Variants in KCNQ1OT1 observed in about 807,000 individuals in gnomAD.
KCNQ1OT1 encodes the protein KCNQ1 antisense RNA 2 (non-protein coding).
At position 2,668,469 on chromosome 11, in the gene KCNQ1OT1, G is replaced by A. The variant is rs575954624; in HGVS notation, n.31526C>T. 47 of 398,504 alleles carry A rather than the reference G, an allele frequency of 1.2e-4. No individual in the cohort carries two copies. Among genetic ancestry groups the A allele is most frequent in the South Asian group, 3.8e-4 (3 of 7,840 alleles). 24.7% of individuals were successfully genotyped at this position (398,504 alleles called of 1,614,324 possible). On this transcript the variant is annotated non_coding_transcript_exon_variant, in exon 1 of 1. Coordinates refer to ENST00000597346, the Ensembl canonical transcript of KCNQ1OT1. This position sits in a 1 kb window ranked among gnomAD's most constrained non-coding sequence, Gnocchi z 4.3. ...ATCCTAACACTTGGCATTTTCCGTCGTTTCCTTTTCAGCCATGATGGTGAA... is the reference window on the plus strand; with the variant it reads ...ATCCTAACACTTGGCATTTTCCGTCATTTCCTTTTCAGCCATGATGGTGAA...
chr11:2,627,438 C>T lies in KCNQ1OT1; in HGVS notation n.72557G>A. 2.5e-6 allele frequency: 1 copy of T among 398,460 alleles called. No individual in the cohort carries two copies. Among genetic ancestry groups the T allele is most frequent in the Non-Finnish European group, 4.4e-6 (1 of 226,028 alleles). 24.7% of individuals were successfully genotyped at this position (398,460 alleles called of 1,614,324 possible). On this transcript the variant is annotated non_coding_transcript_exon_variant, in exon 1 of 1. Coordinates refer to ENST00000597346, the Ensembl canonical transcript of KCNQ1OT1. This position sits in a 1 kb window ranked among gnomAD's most constrained non-coding sequence, Gnocchi z 4.9. The stretch of plus-strand genomic sequence containing the variant: ...CATCTGATAACTCTATGTTTGTACC[C>T]TTCAACATTTCCTATTTCCCCTACT...
chr11:2,675,383 A>G (rs2133873661), exon 1 of KCNQ1OT1: 1 of 398,658 alleles, frequency 2.5e-6, no homozygotes, highest in South Asian at 1.3e-4. Flanking sequence ...AAAACATTTA[A>G]ACACAGATAT....
Position 2,663,895 on chromosome 11 carries a change from G to A in KCNQ1OT1, n.36100C>T. 5.0e-6 allele frequency: 2 copies of A among 398,718 alleles called. No homozygotes were observed. Among genetic ancestry groups the A allele is most frequent in the Non-Finnish European group, 8.8e-6 (2 of 226,112 alleles). 24.7% of individuals were successfully genotyped at this position (398,718 alleles called of 1,614,324 possible). On this transcript the variant is annotated non_coding_transcript_exon_variant, in exon 1 of 1. Transcript: ENST00000597346. The surrounding 1 kb of genome is among the most constrained non-coding windows in gnomAD (Gnocchi z 5.2). ...TGCCCAAGGGTGACCCCAAGCCAGTGTGGCTGTGTCATCTAGGACACTGGG... is the reference window on the plus strand; with the variant it reads ...TGCCCAAGGGTGACCCCAAGCCAGTATGGCTGTGTCATCTAGGACACTGGG...
exon 1 of KCNQ1OT1, chr11:2,631,635 T>C (rs1849354645): frequency 2.5e-6 from 1 of 398,498 alleles, no homozygotes; most frequent in East Asian, 3.6e-5. Flanking sequence ...CTATGTTTCC[T>C]TGGTTTTTCT....
chr11:2,622,428 A>C (rs866468305), exon 1 of KCNQ1OT1: 4 of 398,184 alleles, frequency 1.0e-5, no homozygotes, highest in African/African-American at 6.2e-5. Flanking sequence ...CTTTCAATCT[A>C]CTTGTGTCTT....
In KCNQ1OT1 at chr11:2,656,927, A is replaced by C. The variant is rs532229513; in HGVS notation, n.43068T>G. On this transcript the variant is annotated non_coding_transcript_exon_variant, in exon 1 of 1. Transcript: ENST00000597346. The stretch of plus-strand genomic sequence containing the variant: ...TGTGAGGTAATTAAGGGTCCAACTT[A>C]ATGTTTTTCCAGTGTGGGTATCCAA... 5.5e-5 allele frequency: 22 copies of C among 398,606 alleles called. No individual in the cohort carries two copies. The Admixed American group carries it at 9.7e-4, about 18-fold the overall frequency. The allele number at this position is 398,606 out of a possible 1,614,324, so 24.7% of individuals were successfully genotyped here.
exon 1 of KCNQ1OT1, chr11:2,656,640 A>G (rs577250569): frequency 1.5e-4 from 58 of 398,186 alleles, no homozygotes; most frequent in African/African-American, 1.1e-3. Context: ...TATTTTTCCT[A>G]TTGATTTGTA....
rs949672827 is a variant in KCNQ1OT1 at position 2,676,216 on chromosome 11, T to TA, written n.23778dup. On this transcript the variant is annotated non_coding_transcript_exon_variant, in exon 1 of 1. Transcript: ENST00000597346. This position sits in a 1 kb window ranked among gnomAD's most constrained non-coding sequence, Gnocchi z 4.2. ...GCCATACTTCTTTTTGAGCTGTACA[T>TA]ACAATGCTGATTTATTATGGTGCAG... The TA allele has an allele frequency of 1.0e-5, 4 of 398,576 alleles. No homozygotes were observed. The highest frequency in any genetic ancestry group is 1.8e-5 in the Non-Finnish European group (4 of 226,082). The allele number at this position is 398,576 out of a possible 1,614,324, so 24.7% of individuals were successfully genotyped here.
At chr11:2,686,353 A>G in exon 1 of KCNQ1OT1, 1 of 398,720 alleles carries the variant, frequency 2.5e-6, no homozygotes, top group East Asian at 3.6e-5. Context: ...GGGGAGGAGT[A>G]TGCTCACTTG....
At chr11:2,614,844 C>T (rs975539798) in exon 1 of KCNQ1OT1, 1 of 398,174 alleles carries the variant, frequency 2.5e-6, no homozygotes, top group Non-Finnish European at 4.4e-6. Context: ...CAACTTTGTT[C>T]TTTTTCAATA....
Position 2,623,449 on chromosome 11 carries a change from G to A in KCNQ1OT1, n.76546C>T. On this transcript the variant is annotated non_coding_transcript_exon_variant, in exon 1 of 1. Transcript: ENST00000597346. This position sits in a 1 kb window ranked among gnomAD's most constrained non-coding sequence, Gnocchi z 5.2. ...AACCCTTCTTCCCCAACAACCCTTG[G>A]CAACCACTGAACTTTTTACTGCCTC... 2.5e-6 allele frequency: 1 copy of A among 398,494 alleles called. No homozygotes were observed. The highest frequency in any genetic ancestry group is 4.4e-6 in the Non-Finnish European group (1 of 226,052). The allele number at this position is 398,494 out of a possible 1,614,324, so 24.7% of individuals were successfully genotyped here.
exon 1 of KCNQ1OT1, chr11:2,629,645 G>C (rs1000857938): frequency 1.5e-5 from 6 of 398,354 alleles, no homozygotes; most frequent in Non-Finnish European, 2.7e-5. Context: ...GTTCATATAT[G>C]AAAGGATTTA....
chr11:2,643,467 A>T (rs1849610975), exon 1 of KCNQ1OT1: 1 of 398,274 alleles, frequency 2.5e-6, no homozygotes, highest in Non-Finnish European at 4.4e-6. Flanking sequence ...ATGAAAGTAT[A>T]GCTACTCCTG....
At position 2,661,695 on chromosome 11, in the gene KCNQ1OT1, C is replaced by G. The variant is rs753402738; in HGVS notation, n.38300G>C. The G allele has an allele frequency of 5.0e-6, 3 of 604,644 alleles. No homozygotes were observed. Among genetic ancestry groups the G allele is most frequent in the Non-Finnish European group, 8.9e-6 (3 of 338,912 alleles). 37.5% of individuals were successfully genotyped at this position (604,644 alleles called of 1,614,324 possible). A position where few individuals can be genotyped will look rare whatever the true frequency, so the allele number is the denominator to read the frequency against. Reference sequence around the variant, plus strand: ...CCTGAGGTGGGGAGAGTCTTGGACACCTGAGCACAGCCCCAGGCACAGTTA... The same window carrying G: ...CCTGAGGTGGGGAGAGTCTTGGACAGCTGAGCACAGCCCCAGGCACAGTTA... On this transcript the variant is annotated non_coding_transcript_exon_variant, in exon 1 of 1. Coordinates refer to ENST00000597346, the Ensembl canonical transcript of KCNQ1OT1. This position sits in a 1 kb window ranked among gnomAD's most constrained non-coding sequence, Gnocchi z 5.9.
Position 2,690,570 on chromosome 11 carries a change from G to A in KCNQ1OT1, n.9425C>T. The A allele has an allele frequency of 2.5e-6, 1 of 398,630 alleles. No homozygotes were observed. The highest frequency in any genetic ancestry group is 3.6e-5 in the East Asian group (1 of 28,076). 24.7% of individuals were successfully genotyped at this position (398,630 alleles called of 1,614,324 possible). On this transcript the variant is annotated non_coding_transcript_exon_variant, in exon 1 of 1. Transcript: ENST00000597346. This position sits in a 1 kb window ranked among gnomAD's most constrained non-coding sequence, Gnocchi z 5.1. ...GACAAGAAGTAACATGTCAAAGATG[G>A]GACAGAACCCACCTCCTGGCAGGGA...
chr11:2,675,261 T>C, exon 1 of KCNQ1OT1: 1 of 398,508 alleles, frequency 2.5e-6, no homozygotes, highest in Non-Finnish European at 4.4e-6. Flanking sequence ...GTTTCAGAAG[T>C]GAAGATAACT....
chr11:2,642,692 T>C lies in KCNQ1OT1; in HGVS notation n.57303A>G, dbSNP rs1313834321. 5.0e-6 allele frequency: 2 copies of C among 397,878 alleles called. No homozygotes were observed. The highest frequency in any genetic ancestry group is 2.1e-5 in the African/African-American group (1 of 48,628). The allele number at this position is 397,878 out of a possible 1,614,324, so 24.6% of individuals were successfully genotyped here. A position where few individuals can be genotyped will look rare whatever the true frequency, so the allele number is the denominator to read the frequency against. ...CTCTGATCTTCGTTATTTCTTTCCT[T>C]CTACTAATTTTATGTTTAGTATGGT... is the stretch of plus-strand genomic sequence containing the variant. On this transcript the variant is annotated non_coding_transcript_exon_variant, in exon 1 of 1. Coordinates refer to ENST00000597346, the Ensembl canonical transcript of KCNQ1OT1. This position sits in a 1 kb window ranked among gnomAD's most constrained non-coding sequence, Gnocchi z 4.3.
exon 1 of KCNQ1OT1, chr11:2,666,205 A>G (rs1306164593): frequency 2.5e-6 from 1 of 398,424 alleles, no homozygotes; most frequent in Non-Finnish European, 4.4e-6. Flanking sequence ...CACTCTCCAG[A>G]GGGACACTCA....
chr11:2,638,080 G>A (rs1345963967), exon 1 of KCNQ1OT1: 3 of 152,068 alleles, frequency 2.0e-5, no homozygotes, highest in Non-Finnish European at 4.4e-5. Context: ...GTCTCTGCAC[G>A]TGAGATGGGT....
Sources: allele counts gnomAD v4.1 joint callset, GRCh38; gene constraint gnomAD v4.1.1; non-coding constraint Gnocchi (gnomAD v3.1); transcripts MANE v1.5; gene names NCBI Gene and HGNC (gene_info 2026-07-23, HGNC 2026-07-21).